MREG: variants seen among roughly 807,000 people sequenced by gnomAD.
MREG encodes the protein melanoregulin, also known as dilute suppressor protein homolog.
In MREG, 31 loss-of-function variants were observed where a neutral mutation model predicts 28.5. That is an observed-to-expected ratio of 1.09 (90% CI 0.82 to 1.47). The LOEUF is 1.47. Among genes scored for constraint, MREG ranks in the 40% most tolerant of loss-of-function variants. The pLI, the probability that MREG is intolerant of heterozygous loss-of-function variation, is 0.00. For synonymous variants in MREG, 106 were observed against 95.2 expected (o/e 1.11, Z -0.66); for missense variants, 256 against 257.4 (o/e 0.99, Z 0.04).
At position 215,973,443 on chromosome 2, in the gene MREG, C is replaced by A. The variant is rs141854149; in HGVS notation, c.255+22863G>T. On this transcript the variant is annotated intron_variant, in intron 2 of 4. Coordinates refer to ENST00000263268, the MANE Select transcript of MREG (RefSeq NM_018000.3). The stretch of plus-strand genomic sequence containing the variant: ...CGAGGCCGGATTCAAAGAGTGGACA[C>A]CCTGTCCAGTCCACAGTCCACAGGC... Among the ~76,000 whole-genome samples the A allele has an allele frequency of 4.2e-3, 635 of 152,238 alleles. 4 individuals carry two copies. Among genetic ancestry groups the A allele is most frequent in the African/African-American group, 0.014 (594 of 41,528 alleles).
intron 1 of MREG, among the ~76,000 whole-genome samples, chr2:215,999,954 G>C (rs923363169): frequency 6.6e-6 from 1 of 152,206 alleles, no homozygotes; most frequent in African/African-American, 2.4e-5. Context: ...GGTCTTACGG[G>C]ATTTGGAGAA....
intron 1 of MREG, among the ~76,000 whole-genome samples, chr2:216,031,432 AGAAAGAAAG>A (rs1213404062): frequency 7.0e-6 from 1 of 143,296 alleles, no homozygotes; most frequent in South Asian, 2.2e-4. Flanking sequence ...AAGAAAGAAA[AGAAAGAAAG>A]AAAAAGAAAG....
At chr2:215,991,482 C>A (rs1223753481) in intron 2 of MREG, among the ~76,000 whole-genome samples, 1 of 151,726 alleles carries the variant, frequency 6.6e-6, no homozygotes, top group Non-Finnish European at 1.5e-5. Flanking sequence ...ATTAAAAGAA[C>A]TAGAGAAGCA....
At chr2:215,996,264 A>G in intron 2 of MREG, 42 bp downstream of exon 2, 2 of 1,586,640 alleles carry the variant, frequency 1.3e-6, no homozygotes, top group Non-Finnish European at 8.6e-7. Flanking sequence ...TTTTTACTAT[A>G]TAGCATCATC....
intron 2 of MREG, among the ~76,000 whole-genome samples, chr2:215,987,686 G>C (rs1279686206): frequency 6.6e-6 from 1 of 151,390 alleles, no homozygotes; most frequent in Admixed American, 6.6e-5. Flanking sequence ...CTCGAGACCA[G>C]ACAGACCAAC....
intron 2 of MREG, among the ~76,000 whole-genome samples, chr2:215,991,692 A>G (rs1299458161): frequency 6.6e-6 from 1 of 152,196 alleles, no homozygotes; most frequent in East Asian, 1.9e-4. Flanking sequence ...AACAGATGCA[A>G]TGAAAAATGA....
In MREG at chr2:215,945,717, C is replaced by T; in HGVS notation, c.364G>A (p.Asp122Asn). 2 of 1,613,054 alleles carry T rather than the reference C, an allele frequency of 1.2e-6. No individual in the cohort carries two copies. Among genetic ancestry groups the T allele is most frequent in the South Asian group, 2.2e-5 (2 of 90,926 alleles). The change falls in exon 4 of 5, where the codon GAC becomes AAC. Residue 122 changes from aspartate (D) to asparagine (N), a missense_variant. Physicochemically the swap from Asp to Asn is conservative, Grantham distance 23. Coordinates refer to ENST00000263268, the MANE Select transcript of MREG (RefSeq NM_018000.3). ...LEDLGFQKEA[D>N]SLLSVTKLST... ...AGTTTAGTCACTGACAACAAAGAGTCAGCTTCCTTTTGAAAACCTAAGGTA... is the reference window on the plus strand; with the variant it reads ...AGTTTAGTCACTGACAACAAAGAGTTAGCTTCCTTTTGAAAACCTAAGGTA...
At chr2:216,008,851 C>T (rs1694226831) in intron 1 of MREG, among the ~76,000 whole-genome samples, 2 of 152,178 alleles carry the variant, frequency 1.3e-5, no homozygotes. Context: ...TGTACAGGAT[C>T]AGGAGCATGA....
chr2:215,988,889 CCA>C (rs1407801879), intron 2 of MREG, among the ~76,000 whole-genome samples: 1 of 152,192 alleles, frequency 6.6e-6, no homozygotes, highest in African/African-American at 2.4e-5. Context: ...GGCAGCAGCC[CCA>C]GTCAGGGGCT....
chr2:215,992,781 G>A (rs1448571271), intron 2 of MREG, among the ~76,000 whole-genome samples: 1 of 152,168 alleles, frequency 6.6e-6, no homozygotes, highest in Non-Finnish European at 1.5e-5. Flanking sequence ...TAGGTAAACA[G>A]AGAGCCAAAT....
At chr2:216,009,896 G>A (rs1694252800) in intron 1 of MREG, among the ~76,000 whole-genome samples, 1 of 152,116 alleles carries the variant, frequency 6.6e-6, no homozygotes, top group African/African-American at 2.4e-5. Flanking sequence ...AAGCCATGCT[G>A]CAAAAGTGAA....
At chr2:216,021,051 G>A (rs1694512774) in intron 1 of MREG, among the ~76,000 whole-genome samples, 1 of 152,196 alleles carries the variant, frequency 6.6e-6, no homozygotes, top group South Asian at 2.1e-4. Context: ...CCCTAGGGAT[G>A]CTTACGGAAA....
intron 1 of MREG, among the ~76,000 whole-genome samples, chr2:216,022,228 G>C (rs1422220801): frequency 6.6e-6 from 1 of 152,102 alleles, no homozygotes; most frequent in Non-Finnish European, 1.5e-5. Context: ...TCCAGCCTGG[G>C]TGACAAGAGC....
intron 1 of MREG, among the ~76,000 whole-genome samples, chr2:216,003,266 C>G (rs988927083): frequency 3.9e-5 from 6 of 152,068 alleles, no homozygotes; most frequent in Admixed American, 6.6e-5. Context: ...CCTGGGCACC[C>G]CTTTCCTGGC....
chr2:215,985,326 T>G (rs1693538460), intron 2 of MREG, among the ~76,000 whole-genome samples: 1 of 152,232 alleles, frequency 6.6e-6, no homozygotes, highest in Non-Finnish European at 1.5e-5. Flanking sequence ...GGATAATGAT[T>G]TAGGAACATT....
At chr2:215,960,128 T>C (rs531800240) in intron 2 of MREG, among the ~76,000 whole-genome samples, 4 of 152,292 alleles carry the variant, frequency 2.6e-5, no homozygotes, top group South Asian at 4.1e-4. Context: ...GCTAATTTTT[T>C]GTATTTTTAG....
chr2:216,009,626 C>G (rs1401755093), intron 1 of MREG, among the ~76,000 whole-genome samples: 1 of 152,154 alleles, frequency 6.6e-6, no homozygotes, highest in African/African-American at 2.4e-5. Context: ...TCAGGAGAAT[C>G]ACATGTTCAA....
At chr2:216,006,226 G>T (rs369479614) in intron 1 of MREG, among the ~76,000 whole-genome samples, 1 of 152,222 alleles carries the variant, frequency 6.6e-6, no homozygotes, top group Non-Finnish European at 1.5e-5. Flanking sequence ...CACAAAAAGA[G>T]AAGAGGGACG....
intron 2 of MREG, among the ~76,000 whole-genome samples, chr2:215,964,440 C>T (rs1441284037): frequency 6.6e-6 from 1 of 151,976 alleles, no homozygotes; most frequent in Admixed American, 6.6e-5. Flanking sequence ...GCCAAGATTA[C>T]ACCACCGCAC....
Sources: gnomAD v4.1 joint callset for allele counts (sites outside exome capture counted in the v4.1 genomes callset) on GRCh38, gnomAD v4.1.1 for gene constraint, MANE v1.5 for transcripts, NCBI Gene and HGNC (gene_info 2026-07-23, HGNC 2026-07-21) for gene names.